Variants in GRM7 observed in about 807,000 individuals in gnomAD.
GRM7 encodes the protein glutamate metabotropic receptor 7.
A neutral mutation model predicts 84.5 loss-of-function variants in GRM7; 35 were observed. The ratio of observed to expected loss-of-function variants is 0.41; its 90% CI spans 0.32 to 0.55. The LOEUF (loss-of-function observed/expected upper bound fraction) is 0.55. Ranked by LOEUF, GRM7 falls within the 20% of genes least tolerant of loss-of-function variation. The pLI, the probability that GRM7 is intolerant of heterozygous loss-of-function variation, is 0.19. For synonymous variants in GRM7, 487 were observed against 455.1 expected (o/e 1.07, Z -0.89); for missense variants, 1,003 against 1,194.6 (o/e 0.84, Z 2.36).
intron 1 of GRM7, among the ~76,000 whole-genome samples, chr3:7,123,231 C>T (rs1413183038): frequency 6.6e-6 from 1 of 152,190 alleles, no homozygotes; most frequent in East Asian, 1.9e-4. Context: ...CTTTAAGCTG[C>T]CTTGATGAGG....
In GRM7 at chr3:7,608,028, C is replaced by A. The variant is rs570777221; in HGVS notation, c.2451+28671C>A. The A allele has an allele frequency of 4.6e-4, 166 of 357,796 alleles. 1 individual carries two copies. The highest frequency in any genetic ancestry group is 2.2e-3 in the South Asian group (111 of 49,572). The allele number at this position is 357,796 out of a possible 1,614,324, so 22.2% of individuals were successfully genotyped here. A position where few individuals can be genotyped will look rare whatever the true frequency, so the allele number is the denominator to read the frequency against. On this transcript the variant is annotated intron_variant, in intron 8 of 9. Coordinates refer to ENST00000357716, the MANE Select transcript of GRM7 (RefSeq NM_000844.4). ...ATCAGTTTGCTAAGGATAACAGCCT[C>A]CAGCTCCATCTATGTTCCTGCAAAA... is the stretch of plus-strand genomic sequence containing the variant.
At chr3:7,084,439 G>A (rs1211668981) in intron 1 of GRM7, among the ~76,000 whole-genome samples, 1 of 152,090 alleles carries the variant, frequency 6.6e-6, no homozygotes, top group African/African-American at 2.4e-5. Context: ...AGCTTGGAAG[G>A]GAATAAGAAG....
intron 1 of GRM7, among the ~76,000 whole-genome samples, chr3:7,052,681 T>C (rs113265620): frequency 0.022 from 3,342 of 150,778 alleles, 140 homozygotes; most frequent in African/African-American, 0.078. Context: ...TTCAGTTTAT[T>C]GCTCTTGATA....
intron 2 of GRM7, among the ~76,000 whole-genome samples, chr3:7,152,044 A>T (rs561176465): frequency 3.9e-5 from 6 of 152,256 alleles, no homozygotes; most frequent in African/African-American, 1.4e-4. Context: ...AACATTTGAG[A>T]ACTCAATTTT....
intron 1 of GRM7, among the ~76,000 whole-genome samples, chr3:7,054,488 A>G (rs1403886107): frequency 6.6e-6 from 1 of 151,584 alleles, no homozygotes; most frequent in African/African-American, 2.4e-5. Context: ...GTTAAGTACA[A>G]CGTTAAACTG....
At chr3:7,145,799 C>A (rs900609567) in intron 1 of GRM7, among the ~76,000 whole-genome samples, 1 of 152,094 alleles carries the variant, frequency 6.6e-6, no homozygotes, top group African/African-American at 2.4e-5. Context: ...AGCTCTCTCC[C>A]AGAATCCAAA....
intron 8 of GRM7, among the ~76,000 whole-genome samples, chr3:7,587,140 A>G (rs987040842): frequency 6.6e-6 from 1 of 152,164 alleles, no homozygotes; most frequent in African/African-American, 2.4e-5. Flanking sequence ...TATATTGATT[A>G]TATCTCCATA....
intron 8 of GRM7, among the ~76,000 whole-genome samples, chr3:7,637,320 C>A (rs1352538067): frequency 6.6e-6 from 1 of 152,052 alleles, no homozygotes; most frequent in African/African-American, 2.4e-5. Flanking sequence ...AAACAGCATC[C>A]AAACTCCTGA....
At chr3:7,393,154 A>G (rs1695068124) in intron 4 of GRM7, among the ~76,000 whole-genome samples, 1 of 152,136 alleles carries the variant, frequency 6.6e-6, no homozygotes. Flanking sequence ...GTACCCTCCC[A>G]GGAACGCATG....
chr3:7,449,899 T>TTTTTTTCTAA (rs1351761388), intron 5 of GRM7, among the ~76,000 whole-genome samples: 6 of 152,074 alleles, frequency 3.9e-5, no homozygotes, highest in Non-Finnish European at 8.8e-5. Context: ...AGTGGGCTCA[T>TTTTTTTCTAA]TTTTTTCTAA....
At chr3:7,545,806 C>A (rs1457553751) in intron 7 of GRM7, among the ~76,000 whole-genome samples, 1 of 152,068 alleles carries the variant, frequency 6.6e-6, no homozygotes, top group African/African-American at 2.4e-5. Flanking sequence ...TGTAATAATT[C>A]ACAAGCTATA....
At chr3:7,264,431 C>T (rs1468997706) in intron 2 of GRM7, among the ~76,000 whole-genome samples, 1 of 152,122 alleles carries the variant, frequency 6.6e-6, no homozygotes, top group Non-Finnish European at 1.5e-5. Context: ...CATGGGGTCT[C>T]CTCCTGCCAG....
At chr3:7,376,447 A>G (rs1327490134) in intron 4 of GRM7, among the ~76,000 whole-genome samples, 1 of 152,216 alleles carries the variant, frequency 6.6e-6, no homozygotes, top group Admixed American at 6.5e-5. Flanking sequence ...GGAACAAGCT[A>G]GGAGACCTGC....
intron 1 of GRM7, among the ~76,000 whole-genome samples, chr3:7,053,378 A>G (rs990788834): frequency 6.6e-6 from 1 of 151,572 alleles, no homozygotes. Context: ...TATGAAAAAG[A>G]GCATTTTAAA....
At chr3:7,709,794 C>G (rs1346838017) in intron 9 of GRM7, among the ~76,000 whole-genome samples, 1 of 152,116 alleles carries the variant, frequency 6.6e-6, no homozygotes, top group East Asian at 1.9e-4. Flanking sequence ...AGAATGTGCC[C>G]GATTATTTCT....
intron 1 of GRM7, among the ~76,000 whole-genome samples, chr3:6,939,602 A>G (rs1300107054): frequency 1.3e-5 from 2 of 152,154 alleles, no homozygotes; most frequent in African/African-American, 4.8e-5. Context: ...ATTAATTTCA[A>G]CTCTGTGTCA....
At chr3:7,699,063 T>C (rs1039625547) in intron 9 of GRM7, among the ~76,000 whole-genome samples, 2 of 152,184 alleles carry the variant, frequency 1.3e-5, no homozygotes, top group African/African-American at 2.4e-5. Flanking sequence ...TATAAAAATC[T>C]ATGCTCAAAA....
Position 6,988,606 on chromosome 3 carries a change from T to C in GRM7, c.519+126699T>C, listed in dbSNP as rs144588400. On this transcript the variant is annotated intron_variant, in intron 1 of 9. Transcript: ENST00000357716. ...TTCGAACTAAGCTTACTGGTTATTG[T>C]TGTTTTCCCCCTATTAAAATTGTGT... is the stretch of plus-strand genomic sequence containing the variant. Among the ~76,000 whole-genome samples the C allele has an allele frequency of 1.1e-3, 161 of 152,322 alleles. 2 individuals carry two copies. The highest frequency in any genetic ancestry group is 3.6e-3 in the African/African-American group (149 of 41,566).
intron 1 of GRM7, among the ~76,000 whole-genome samples, chr3:7,121,367 A>G (rs1261617070): frequency 6.6e-6 from 1 of 151,594 alleles, no homozygotes; most frequent in African/African-American, 2.4e-5. Flanking sequence ...CCATCCATCC[A>G]TCCATCCATC....
Sources: allele counts gnomAD v4.1 joint callset (sites outside exome capture counted in the v4.1 genomes callset), GRCh38; gene constraint gnomAD v4.1.1; transcripts MANE v1.5; gene names NCBI Gene and HGNC (gene_info 2026-07-23, HGNC 2026-07-21).